NBAS: variants seen among roughly 807,000 people sequenced by gnomAD.
NBAS encodes the protein NAG/BC035112 fusion.
In NBAS, 219 loss-of-function variants were observed where a neutral mutation model predicts 302.5. The ratio of observed to expected loss-of-function variants is 0.72; its 90% CI spans 0.65 to 0.81. The LOEUF (loss-of-function observed/expected upper bound fraction) is 0.81, where lower values mean the gene tolerates loss of function less well. Among genes scored for constraint, NBAS ranks in the 30% least tolerant of loss-of-function variants. The pLI is 0.00. For synonymous variants in NBAS, 1,118 were observed against 1,021.6 expected (o/e 1.09, Z -1.80); for missense variants, 2,932 against 2,841.6 (o/e 1.03, Z -0.72).
intron 48 of NBAS, among the ~76,000 whole-genome samples, chr2:15,209,969 C>A (rs567548686): frequency 6.6e-6 from 1 of 152,182 alleles, no homozygotes; most frequent in Non-Finnish European, 1.5e-5. Context: ...ATATAAAAAT[C>A]AAATCAAAAT....
intron 21 of NBAS, among the ~76,000 whole-genome samples, chr2:15,431,290 CA>C (rs139438008): frequency 1.3e-5 from 2 of 151,890 alleles, no homozygotes; most frequent in East Asian, 3.9e-4. Context: ...CATGTAAAAA[CA>C]AAAAAACCCT....
At chr2:15,497,856 AC>A (rs1322864885) in intron 11 of NBAS, among the ~76,000 whole-genome samples, 1 of 152,214 alleles carries the variant, frequency 6.6e-6, no homozygotes, top group Non-Finnish European at 1.5e-5. Flanking sequence ...TATTGAAATT[AC>A]TTTTAATGAT....
chr2:15,265,716 A>C (rs1346063256), intron 44 of NBAS, among the ~76,000 whole-genome samples: 1 of 152,218 alleles, frequency 6.6e-6, no homozygotes, highest in Non-Finnish European at 1.5e-5. Context: ...TATGTAGGTA[A>C]GGAAACCTAA....
chr2:15,043,065 C>T, the NBAS span, among the ~76,000 whole-genome samples: 1 of 152,206 alleles, frequency 6.6e-6, no homozygotes, highest in Non-Finnish European at 1.5e-5. Context: ...AGTTCTCCAA[C>T]CCCCGATTTA....
intron 21 of NBAS, among the ~76,000 whole-genome samples, chr2:15,430,292 T>G (rs1439683823): frequency 1.3e-5 from 2 of 152,128 alleles, no homozygotes; most frequent in South Asian, 4.1e-4. Context: ...TCAAAACAGA[T>G]TTTCACATTT....
At chr2:15,083,015 A>G in the NBAS span, among the ~76,000 whole-genome samples, 1 of 152,194 alleles carries the variant, frequency 6.6e-6, no homozygotes, top group Non-Finnish European at 1.5e-5. Context: ...GGGGTTATTC[A>G]TCCTTTGGAA....
the NBAS span, among the ~76,000 whole-genome samples, chr2:14,905,104 G>A: frequency 2.0e-5 from 3 of 152,200 alleles, no homozygotes; most frequent in Non-Finnish European, 4.4e-5. Flanking sequence ...AGGCGCACTG[G>A]CAGCAGATTG....
the NBAS span, among the ~76,000 whole-genome samples, chr2:14,934,156 G>A: frequency 6.6e-6 from 1 of 152,094 alleles, no homozygotes; most frequent in East Asian, 1.9e-4. Context: ...TATGTTATCA[G>A]GGGTATATGA....
downstream of NBAS, among the ~76,000 whole-genome samples, chr2:15,164,445 A>G (rs1663968357): frequency 6.6e-6 from 1 of 152,214 alleles, no homozygotes; most frequent in African/African-American, 2.4e-5. Context: ...CTTAAGCATT[A>G]TTAGCCCTAG....
At chr2:15,147,305 T>C in the NBAS span, among the ~76,000 whole-genome samples, 3 of 152,090 alleles carry the variant, frequency 2.0e-5, no homozygotes, top group African/African-American at 7.3e-5. Flanking sequence ...TTAGAAGAGA[T>C]GTTCTGGGCT....
At chr2:14,923,914 A>G in the NBAS span, among the ~76,000 whole-genome samples, 3 of 152,148 alleles carry the variant, frequency 2.0e-5, no homozygotes, top group African/African-American at 7.2e-5. Flanking sequence ...AGGACGCTGG[A>G]AGCAGGAGAG....
At chr2:15,511,513 A>C (rs1662145270) in intron 9 of NBAS, among the ~76,000 whole-genome samples, 163 bp from the exon 10 acceptor site, 1 of 152,194 alleles carries the variant, frequency 6.6e-6, no homozygotes, top group African/African-American at 2.4e-5. Context: ...TCAAAAGAAA[A>C]CCAAACTGTT....
chr2:15,383,980 G>A (rs1052052628), intron 28 of NBAS, among the ~76,000 whole-genome samples: 3 of 152,122 alleles, frequency 2.0e-5, no homozygotes, highest in African/African-American at 4.8e-5. Context: ...TGCTGTGTCC[G>A]GCGTAGGAAG....
At chr2:14,930,313 C>T in the NBAS span, among the ~76,000 whole-genome samples, 1 of 152,194 alleles carries the variant, frequency 6.6e-6, no homozygotes, top group African/African-American at 2.4e-5. Flanking sequence ...CCATGCTATA[C>T]TCAGCCGCAC....
At chr2:15,395,028 T>C (rs1016095375) in intron 27 of NBAS, among the ~76,000 whole-genome samples, 4 of 152,108 alleles carry the variant, frequency 2.6e-5, no homozygotes, top group Admixed American at 2.0e-4. Context: ...CCTGGCATTA[T>C]GTATACTAAA....
the NBAS span, among the ~76,000 whole-genome samples, chr2:14,870,916 A>G: frequency 1.3e-5 from 2 of 152,088 alleles, no homozygotes; most frequent in Non-Finnish European, 2.9e-5. Context: ...AATAATGAGA[A>G]ACATAAAAGA....
At chr2:15,068,832 C>T in the NBAS span, among the ~76,000 whole-genome samples, 1 of 152,148 alleles carries the variant, frequency 6.6e-6, no homozygotes, top group Non-Finnish European at 1.5e-5. Context: ...TAACACAATA[C>T]CTGAAACTTG....
At chr2:15,394,605 T>C (rs2148411303) in intron 27 of NBAS, among the ~76,000 whole-genome samples, 1 of 152,238 alleles carries the variant, frequency 6.6e-6, no homozygotes, top group Admixed American at 6.5e-5. Context: ...GCATAACCTA[T>C]CTTTATCTCA....
At chr2:14,819,615 AC>A in the NBAS span, among the ~76,000 whole-genome samples, 1 of 152,238 alleles carries the variant, frequency 6.6e-6, no homozygotes, top group African/African-American at 2.4e-5. Flanking sequence ...TAAGTCATAG[AC>A]AAATATCTTT....
Sources: gnomAD v4.1 joint callset for allele counts (sites outside exome capture counted in the v4.1 genomes callset) on GRCh38, gnomAD v4.1.1 for gene constraint, MANE v1.5 for transcripts, NCBI Gene and HGNC (gene_info 2026-07-23, HGNC 2026-07-21) for gene names.